RXRA: variants seen among roughly 807,000 people sequenced by gnomAD.
RXRA encodes the protein retinoic acid receptor RXR-alpha.
RXRA carries 5 observed loss-of-function variants against 44.5 expected under a neutral mutation model. The ratio of observed to expected loss-of-function variants is 0.11; its 90% CI spans 0.06 to 0.24. The LOEUF is 0.24. RXRA is among the 10% of genes least tolerant of loss of function. The probability of loss-of-function intolerance (pLI) is 1.00; values close to 1 mark genes in which losing one functional copy is unlikely to be tolerated. For missense variants in RXRA, 412 were observed against 646.5 expected (o/e 0.64, Z 3.93); for synonymous variants, 291 against 271.4 (o/e 1.07, Z -0.71).
At chr9:134,374,805 T>G (rs1320394531) in intron 1 of RXRA, among the ~76,000 whole-genome samples, 1 of 152,242 alleles carries the variant, frequency 6.6e-6, no homozygotes, top group Non-Finnish European at 1.5e-5. Context: ...TGGCAGTGCC[T>G]CGTGTTACTG....
intron 5 of RXRA, among the ~76,000 whole-genome samples, chr9:134,421,093 C>T (rs923029390): frequency 6.6e-6 from 1 of 152,230 alleles, no homozygotes; most frequent in Non-Finnish European, 1.5e-5. Context: ...TTCGTCAGCT[C>T]GCCGCACCTG....
chr9:134,397,855 C>G (rs564137266), intron 1 of RXRA, among the ~76,000 whole-genome samples: 1 of 152,318 alleles, frequency 6.6e-6, no homozygotes, highest in South Asian at 2.1e-4. Context: ...TCTGCTGGCT[C>G]CCGGGTTGGG....
chr9:134,369,881 C>G (rs1200166319), intron 1 of RXRA, among the ~76,000 whole-genome samples: 2 of 152,078 alleles, frequency 1.3e-5, no homozygotes, highest in African/African-American at 2.4e-5. Context: ...TTTACACAGT[C>G]CCGTGTGTGC....
intron 1 of RXRA, among the ~76,000 whole-genome samples, chr9:134,339,646 T>C (rs1252089540): frequency 6.7e-6 from 1 of 149,402 alleles, no homozygotes; most frequent in African/African-American, 2.5e-5. Context: ...TGTGCGTGTG[T>C]CTGTGTGTGT....
At chr9:134,382,292 T>TGTGC (rs1554752666) in intron 1 of RXRA, among the ~76,000 whole-genome samples, 24 of 151,126 alleles carry the variant, frequency 1.6e-4, no homozygotes, top group African/African-American at 5.4e-4. Context: ...TGTGTGTGTG[T>TGTGC]GCGCTTTTGA....
intron 1 of RXRA, among the ~76,000 whole-genome samples, chr9:134,344,624 T>A (rs887094366): frequency 8.5e-5 from 13 of 152,180 alleles, no homozygotes; most frequent in Non-Finnish European, 5.9e-5. Context: ...CCCGGGCCTC[T>A]GAGAACTGTG....
intron 1 of RXRA, among the ~76,000 whole-genome samples, chr9:134,373,460 G>C (rs1335284824): frequency 6.6e-6 from 1 of 152,276 alleles, no homozygotes; most frequent in African/African-American, 2.4e-5. Flanking sequence ...CCATTTTCCA[G>C]ATGAGAATAC....
chr9:134,422,978 T>C, intron 6 of RXRA: 1 of 985,468 alleles, frequency 1.0e-6, no homozygotes, highest in Non-Finnish European at 1.2e-6. Context: ...CAGAAATGCC[T>C]GCTCCACGCG....
At chr9:134,348,464 G>A (rs1830181137) in intron 1 of RXRA, among the ~76,000 whole-genome samples, 1 of 152,168 alleles carries the variant, frequency 6.6e-6, no homozygotes. Context: ...GCCCAGTTTT[G>A]TCCCGAGGTC....
intron 6 of RXRA, chr9:134,425,330 C>T (rs1831414044): frequency 1.0e-6 from 1 of 985,274 alleles, no homozygotes; most frequent in Non-Finnish European, 1.2e-6. Flanking sequence ...TGGCTTGTTC[C>T]ATGGAAGCTC....
chr9:134,376,048 A>G (rs1042912894), intron 1 of RXRA, among the ~76,000 whole-genome samples: 2 of 150,272 alleles, frequency 1.3e-5, no homozygotes, highest in African/African-American at 4.9e-5. Context: ...AAGCCTTGCT[A>G]TTTATTAATT....
intron 1 of RXRA, among the ~76,000 whole-genome samples, chr9:134,399,231 G>A (rs773008212): frequency 4.6e-5 from 7 of 152,216 alleles, no homozygotes; most frequent in Admixed American, 6.5e-5. Context: ...CAGGGTCCCC[G>A]CAGTGCCCTG....
At chr9:134,408,403 C>G (rs1182920789) in intron 3 of RXRA, 104 bp downstream of exon 3, 2 of 1,286,596 alleles carry the variant, frequency 1.6e-6, no homozygotes, top group Non-Finnish European at 2.1e-6. Context: ...AAGCAGGACC[C>G]AAGGCCAGGG....
At chr9:134,408,850 C>T (rs576844548) in intron 3 of RXRA, 90 bp from the exon 4 acceptor site, 36 of 1,296,886 alleles carry the variant, frequency 2.8e-5, no homozygotes, top group African/African-American at 2.0e-4. Context: ...AGGCCTGGCC[C>T]GCCAGCTGGT....
At chr9:134,386,110 C>T (rs894398108) in intron 1 of RXRA, among the ~76,000 whole-genome samples, 6 of 152,202 alleles carry the variant, frequency 3.9e-5, no homozygotes, top group African/African-American at 1.4e-4. Context: ...GGAACTGGGC[C>T]GCCGGGCCAG....
intron 4 of RXRA, among the ~76,000 whole-genome samples, chr9:134,412,273 C>G (rs1831161631): frequency 6.6e-6 from 1 of 152,328 alleles, no homozygotes; most frequent in Admixed American, 6.5e-5. Context: ...AGTGTCAGGC[C>G]CCCTGGTGGG....
chr9:134,419,608 C>G (rs573019607), intron 5 of RXRA, among the ~76,000 whole-genome samples: 1 of 152,216 alleles, frequency 6.6e-6, no homozygotes, highest in Non-Finnish European at 1.5e-5. Context: ...CTGGTTTCTC[C>G]CCAGCGCGGG....
chr9:134,379,651 C>T lies in RXRA; in HGVS notation c.29-21981C>T, dbSNP rs1266051536. On this transcript the variant is annotated intron_variant, in intron 1 of 9. Coordinates refer to ENST00000481739, the MANE Select transcript of RXRA (RefSeq NM_002957.6). Reference sequence around the variant, plus strand: ...TCCTGCTCCAGCCCCTCTCTGACCCCACCCTGCGGTCCTGGGAGGTAGCAG... The same window carrying T: ...TCCTGCTCCAGCCCCTCTCTGACCCTACCCTGCGGTCCTGGGAGGTAGCAG... 4 of 985,194 alleles carry T rather than the reference C, an allele frequency of 4.1e-6. No homozygotes were observed. In the African/African-American group the frequency reaches 5.2e-5, roughly 13 times the overall value. 61.0% of individuals were successfully genotyped at this position (985,194 alleles called of 1,614,324 possible).
At chr9:134,414,477 A>G (rs1214269470) in intron 4 of RXRA, among the ~76,000 whole-genome samples, 1 of 152,224 alleles carries the variant, frequency 6.6e-6, no homozygotes, top group African/African-American at 2.4e-5. Context: ...TGTCATTTTC[A>G]TCTTACGGAT....
Sources: allele counts gnomAD v4.1 joint callset (sites outside exome capture counted in the v4.1 genomes callset), GRCh38; gene constraint gnomAD v4.1.1; transcripts MANE v1.5; gene names NCBI Gene and HGNC (gene_info 2026-07-23, HGNC 2026-07-21).